DPP6: variants seen among roughly 807,000 people sequenced by gnomAD.
The protein encoded by DPP6 is dipeptidyl peptidase like 6.
Under a neutral mutation model 122.6 loss-of-function variants are expected in DPP6, and 69 were observed. The observed-to-expected ratio is 0.56, with a 90% CI of 0.46 to 0.69. The LOEUF is 0.69. Among genes scored for constraint, DPP6 ranks in the 30% least tolerant of loss-of-function variants. The probability of loss-of-function intolerance (pLI) is 0.00; values close to 1 mark genes in which losing one functional copy is unlikely to be tolerated. For missense variants in DPP6, 928 were observed against 1,116.9 expected, an observed-to-expected ratio of 0.83 and a Z score of 2.41; for synonymous variants, 418 against 433.1, an observed-to-expected ratio of 0.97 and a Z score of 0.43.
chr7:154,609,311 T>C (rs888038972), intron 5 of DPP6, among the ~76,000 whole-genome samples: 1 of 152,254 alleles, frequency 6.6e-6, no homozygotes, highest in African/African-American at 2.4e-5. Flanking sequence ...CCCTGCAATA[T>C]AACCATCTTG....
At chr7:154,834,519 C>T (rs576875147) in intron 16 of DPP6, among the ~76,000 whole-genome samples, 6 of 152,004 alleles carry the variant, frequency 3.9e-5, no homozygotes, top group African/African-American at 4.8e-5. Flanking sequence ...AAAACCAGCT[C>T]CCATTTATTT....
Position 154,828,306 on chromosome 7 carries a change from T to C in DPP6, c.1666+21194T>C, listed in dbSNP as rs138336881. Among the ~76,000 whole-genome samples the C allele has an allele frequency of 2.9e-3, 444 of 150,942 alleles. 1 individual carries two copies. Among genetic ancestry groups the C allele is most frequent in the African/African-American group, 0.01 (412 of 40,316 alleles). ...CTTGCAGCTTTCCTTAAGTTTGAAG[T>C]TGCTGTAAAATCTTTTTTTTTTAAT... On this transcript the variant is annotated intron_variant, in intron 16 of 25. Coordinates refer to ENST00000377770, the MANE Select transcript of DPP6 (RefSeq NM_130797.4).
At chr7:153,890,074 T>C (rs1387244320) in intron 1 of DPP6, among the ~76,000 whole-genome samples, 1 of 152,204 alleles carries the variant, frequency 6.6e-6, no homozygotes, top group African/African-American at 2.4e-5. Flanking sequence ...TTGATTGAAA[T>C]TCAGGTGATA....
chr7:154,329,188 T>C (rs921154386), intron 1 of DPP6, among the ~76,000 whole-genome samples: 1 of 152,248 alleles, frequency 6.6e-6, no homozygotes, highest in Non-Finnish European at 1.5e-5. Context: ...ACATTTATTT[T>C]ATTCATGATT....
chr7:154,635,946 C>A (rs1015215903), intron 5 of DPP6, among the ~76,000 whole-genome samples: 5 of 152,182 alleles, frequency 3.3e-5, no homozygotes, highest in African/African-American at 1.2e-4. Flanking sequence ...ACCCTCACTG[C>A]TACTGTATTC....
chr7:154,444,343 T>C (rs1035342199), intron 1 of DPP6, among the ~76,000 whole-genome samples: 1 of 150,100 alleles, frequency 6.7e-6, no homozygotes, highest in Non-Finnish European at 1.5e-5. Flanking sequence ...TGGGCGCCTG[T>C]GGTCCCAGCT....
chr7:154,813,678 C>T (rs1423823399), intron 16 of DPP6, among the ~76,000 whole-genome samples: 1 of 151,928 alleles, frequency 6.6e-6, no homozygotes, highest in Non-Finnish European at 1.5e-5. Context: ...TTCTGTCCAC[C>T]TCTCTATTGT....
At chr7:154,472,713 G>T (rs747215951) in intron 2 of DPP6, among the ~76,000 whole-genome samples, 1 of 152,204 alleles carries the variant, frequency 6.6e-6, no homozygotes, top group Non-Finnish European at 1.5e-5. Flanking sequence ...TTAGATATCA[G>T]TTGAATGTGC....
chr7:153,766,732 A>G, the DPP6 span, among the ~76,000 whole-genome samples: 2 of 152,186 alleles, frequency 1.3e-5, no homozygotes, highest in African/African-American at 4.8e-5. Context: ...AATAGAGGCA[A>G]CCTCGCTAGA....
intron 1 of DPP6, among the ~76,000 whole-genome samples, chr7:153,926,521 A>T (rs1460027838): frequency 1.3e-5 from 2 of 152,124 alleles, no homozygotes; most frequent in Non-Finnish European, 2.9e-5. Context: ...GGTGTGTTTT[A>T]TTTAGATGGT....
At chr7:154,081,422 G>A (rs1804000680) in intron 1 of DPP6, among the ~76,000 whole-genome samples, 2 of 108,176 alleles carry the variant, frequency 1.8e-5, no homozygotes, top group East Asian at 2.6e-4. Flanking sequence ...GAGAGTAGAT[G>A]TGCTATTAAT....
intron 8 of DPP6, among the ~76,000 whole-genome samples, chr7:154,731,297 G>T (rs1379552366): frequency 6.6e-6 from 1 of 152,194 alleles, no homozygotes; most frequent in African/African-American, 2.4e-5. Context: ...GTGTACGTGG[G>T]AAACAGCCAC....
intron 1 of DPP6, among the ~76,000 whole-genome samples, chr7:154,344,352 A>G (rs982179768): frequency 3.9e-5 from 6 of 152,282 alleles, no homozygotes; most frequent in African/African-American, 1.4e-4. Context: ...ATGCAAATCA[A>G]AACTGCAATG....
chr7:154,199,132 C>T (rs1430708797), intron 1 of DPP6, among the ~76,000 whole-genome samples: 1 of 152,200 alleles, frequency 6.6e-6, no homozygotes, highest in East Asian at 1.9e-4. Context: ...CTCACGTTCC[C>T]TTTTATTTCC....
intron 12 of DPP6, 153 bp downstream of exon 12, chr7:154,796,036 G>A (rs1287652290): frequency 1.8e-5 from 22 of 1,217,752 alleles, no homozygotes; most frequent in East Asian, 7.9e-5. Flanking sequence ...CTCCACTCAC[G>A]GTGCCTCCCG....
At chr7:154,749,587 CGG>C (rs1843252226) in intron 8 of DPP6, among the ~76,000 whole-genome samples, 4 of 127,728 alleles carry the variant, frequency 3.1e-5, no homozygotes, top group Non-Finnish European at 6.5e-5. Context: ...GAGCATAGGA[CGG>C]GAGAGAGAGG....
At chr7:154,605,203 C>T (rs1167689453) in intron 5 of DPP6, among the ~76,000 whole-genome samples, 1 of 119,350 alleles carries the variant, frequency 8.4e-6, no homozygotes, top group African/African-American at 2.7e-5. Context: ...ATGAAATGTC[C>T]AATATTAAAC....
At chr7:154,524,281 C>T (rs576898677) in intron 3 of DPP6, among the ~76,000 whole-genome samples, 1 of 152,332 alleles carries the variant, frequency 6.6e-6, no homozygotes, top group South Asian at 2.1e-4. Context: ...TCACCGATAG[C>T]ATTATTCTTT....
intron 1 of DPP6, among the ~76,000 whole-genome samples, chr7:154,133,552 C>A (rs544511562): frequency 2.8e-4 from 42 of 152,266 alleles, no homozygotes; most frequent in African/African-American, 1.0e-3. Context: ...CATAATACTG[C>A]TGGGAGAATA....
Sources: allele counts gnomAD v4.1 joint callset (sites outside exome capture counted in the v4.1 genomes callset), GRCh38; gene constraint gnomAD v4.1.1; transcripts MANE v1.5; gene names NCBI Gene and HGNC (gene_info 2026-07-23, HGNC 2026-07-21).